The following PFKFB2 variants were observed in gnomAD, a reference collection of about 807,000 sequenced individuals.
PFKFB2 encodes 6-phosphofructo-2-kinase/fructose-2,6-biphosphatase 2.
PFKFB2 carries 53 observed loss-of-function variants against 68.0 expected under a neutral mutation model. The ratio of observed to expected loss-of-function variants is 0.78; its 90% CI spans 0.63 to 0.98. PFKFB2 has a LOEUF of 0.98. Among genes scored for constraint, PFKFB2 ranks in the 50% least tolerant of loss-of-function variants. The pLI is 0.00. For synonymous variants in PFKFB2, 222 were observed against 227.6 expected (o/e 0.98, Z 0.22); for missense variants, 451 against 642.0 (o/e 0.70, Z 3.22).
chr1:207,034,469 A>AT (rs1682338697), exon 1 of PFKFB2: 2 of 152,258 alleles, frequency 1.3e-5, no homozygotes, highest in South Asian at 4.1e-4. Flanking sequence ...ATCCAGCTCC[A>AT]TAGGTGTGTG....
At chr1:207,045,133 G>C (rs749813839) in intron 2 of PFKFB2, 1 of 152,352 alleles carries the variant, frequency 6.6e-6, no homozygotes, top group Non-Finnish European at 1.5e-5. Flanking sequence ...TATATGACAC[G>C]TTTAAGGCCT....
chr1:207,044,246 AC>A (rs1039370016), intron 2 of PFKFB2: 34 of 152,586 alleles, frequency 2.2e-4, no homozygotes, highest in Middle Eastern at 3.4e-3. Flanking sequence ...TTGTTCTCTA[AC>A]CCTTTTCACA....
intron 2 of PFKFB2, among the ~76,000 whole-genome samples, chr1:207,061,588 C>A (rs1374874605): frequency 1.3e-5 from 2 of 152,058 alleles, no homozygotes; most frequent in African/African-American, 4.8e-5. Context: ...AGTGTATAAA[C>A]CTTACTAGAC....
intron 2 of PFKFB2, among the ~76,000 whole-genome samples, chr1:207,056,116 C>T (rs145860401): frequency 6.6e-6 from 1 of 152,002 alleles, no homozygotes; most frequent in East Asian, 1.9e-4. Context: ...AACAGTGTCT[C>T]CCCCAAGAGT....
chr1:207,038,729 T>C (rs1284799849), intron 1 of PFKFB2, among the ~76,000 whole-genome samples: 2 of 152,168 alleles, frequency 1.3e-5, no homozygotes, highest in Non-Finnish European at 2.9e-5. Flanking sequence ...CATAACAAGG[T>C]TTGAGAGAGT....
upstream of PFKFB2, chr1:207,052,152 A>G: frequency 3.7e-6 from 6 of 1,607,362 alleles, no homozygotes; most frequent in Non-Finnish European, 5.1e-6. Flanking sequence ...TGGGGCAACT[A>G]TGAAAAGTGT....
At chr1:207,068,405 C>T in intron 10 of PFKFB2, 96 bp downstream of exon 10, 3 of 1,084,358 alleles carry the variant, frequency 2.8e-6, no homozygotes, top group Non-Finnish European at 3.8e-6. Context: ...TAGGAAACTA[C>T]AACCAACAAG....
In PFKFB2 at chr1:207,063,523, T is replaced by C; in HGVS notation, c.450+102T>C. ...TCTAGTGGGTGAGGACAGGATGGGATATCTGAATCTCTTCTCTCAGAGCAT... is the reference window on the plus strand; with the variant it reads ...TCTAGTGGGTGAGGACAGGATGGGACATCTGAATCTCTTCTCTCAGAGCAT... On this transcript the variant is annotated intron_variant, in intron 6 of 14. Coordinates refer to ENST00000367080, the MANE Select transcript of PFKFB2 (RefSeq NM_006212.2). The surrounding 1 kb of genome is among the most constrained non-coding windows in gnomAD (Gnocchi z 4.1). 1.2e-6 allele frequency: 1 copy of C among 814,462 alleles called. No individual in the cohort carries two copies. The highest frequency in any genetic ancestry group is 2.1e-6 in the Non-Finnish European group (1 of 473,582). 50.5% of individuals were successfully genotyped at this position (814,462 alleles called of 1,614,324 possible).
chr1:207,067,070 T>C (rs771329405), intron 8 of PFKFB2, among the ~76,000 whole-genome samples: 2 of 152,174 alleles, frequency 1.3e-5, no homozygotes, highest in Admixed American at 6.5e-5. Flanking sequence ...GACATTTCTG[T>C]CTGTGCTTCT....
chr1:207,078,926 T>G, downstream of PFKFB2: 1 of 1,600,728 alleles, frequency 6.2e-7, no homozygotes, highest in South Asian at 1.1e-5. Flanking sequence ...CTGTAATAGC[T>G]TTGTGTCTCT....
intron 2 of PFKFB2, chr1:207,044,719 T>C (rs1042836120): frequency 6.6e-6 from 1 of 152,456 alleles, no homozygotes; most frequent in Admixed American, 6.5e-5. Flanking sequence ...CACAAAGGCA[T>C]TGCTTTAAAA....
chr1:207,049,766 G>A, upstream of PFKFB2: 2 of 1,545,344 alleles, frequency 1.3e-6, no homozygotes, highest in Non-Finnish European at 1.7e-6. Flanking sequence ...AGAAATTACA[G>A]AAGAAACCGA....
At chr1:207,035,450 T>G (rs1468956949) in intron 1 of PFKFB2, among the ~76,000 whole-genome samples, 1 of 152,152 alleles carries the variant, frequency 6.6e-6, no homozygotes, top group Non-Finnish European at 1.5e-5. Context: ...GCTCAGGAGT[T>G]GGAGACCAGC....
chr1:207,074,871 A>G lies in PFKFB2; in HGVS notation c.*2500A>G, dbSNP rs1683579982. The G allele has an allele frequency of 3.0e-5, 30 of 985,462 alleles. No individual in the cohort carries two copies. Among genetic ancestry groups the G allele is most frequent in the Non-Finnish European group, 3.5e-5 (29 of 829,950 alleles). The allele number at this position is 985,462 out of a possible 1,614,324, so 61.0% of individuals were successfully genotyped here. A position where few individuals can be genotyped will look rare whatever the true frequency, so the allele number is the denominator to read the frequency against. ...CTTCTCCTGACTTTTCTGTTGTCCT[A>G]TGGCTATGAGACTACAGGGGTTGGG... On this transcript the variant is annotated 3_prime_UTR_variant, in exon 15 of 15. Coordinates refer to ENST00000367080, the MANE Select transcript of PFKFB2 (RefSeq NM_006212.2).
chr1:207,071,258 T>C lies in PFKFB2; in HGVS notation c.1285+8T>C. Reference sequence around the variant, plus strand: ...TTACTCCTGTGGCCTATGGTAACTATGCACATAGGGGCTGGCAGGAGCTGG... The same window carrying C: ...TTACTCCTGTGGCCTATGGTAACTACGCACATAGGGGCTGGCAGGAGCTGG... On this transcript the variant is annotated splice_region_variant and intron_variant, in intron 13 of 14. Coordinates refer to ENST00000367080, the MANE Select transcript of PFKFB2 (RefSeq NM_006212.2). The C allele has an allele frequency of 6.2e-7, 1 of 1,608,774 alleles. No individual in the cohort carries two copies. The highest frequency in any genetic ancestry group is 1.1e-5 in the South Asian group (1 of 90,966).
At position 207,074,993 on chromosome 1, in the gene PFKFB2, T is replaced by G. The variant is rs1203377203; in HGVS notation, c.*2622T>G. 2.0e-6 allele frequency: 2 copies of G among 985,356 alleles called. No individual in the cohort carries two copies. The highest frequency in any genetic ancestry group is 1.7e-5 in the African/African-American group (1 of 57,248). 61.0% of individuals were successfully genotyped at this position (985,356 alleles called of 1,614,324 possible). The stretch of plus-strand genomic sequence containing the variant: ...CAAGGTTGCATTGTCCACATTTGCT[T>G]GGATGGTGGCATCTGTAGCCCAAAT... On this transcript the variant is annotated 3_prime_UTR_variant, in exon 15 of 15. Coordinates refer to ENST00000367080, the MANE Select transcript of PFKFB2 (RefSeq NM_006212.2).
intron 1 of PFKFB2, among the ~76,000 whole-genome samples, chr1:207,037,188 T>C (rs1214274437): frequency 2.0e-5 from 3 of 152,256 alleles, no homozygotes; most frequent in Admixed American, 6.5e-5. Flanking sequence ...GTTTGAATTC[T>C]TCTCTATCTT....
chr1:207,055,396 T>C (rs1051443436), intron 2 of PFKFB2, among the ~76,000 whole-genome samples: 1 of 152,152 alleles, frequency 6.6e-6, no homozygotes, highest in East Asian at 1.9e-4. Flanking sequence ...CACATGAGCA[T>C]TTTCATTTCT....
rs1683508098 is a variant in PFKFB2, at chr1:207,072,836, T to G, written c.*465T>G. On this transcript the variant is annotated 3_prime_UTR_variant, in exon 15 of 15. Coordinates refer to ENST00000367080, the MANE Select transcript of PFKFB2 (RefSeq NM_006212.2). ...TCTTCAATGTGTGTTTTCCTCACAC[T>G]CCTTACTTGACTGCTTTCTTCCCCC... The G allele has an allele frequency of 1.9e-5, 19 of 990,796 alleles. No homozygotes were observed. Among genetic ancestry groups the G allele is most frequent in the Non-Finnish European group, 2.3e-5 (19 of 833,574 alleles). The allele number at this position is 990,796 out of a possible 1,614,324, so 61.4% of individuals were successfully genotyped here. A position where few individuals can be genotyped will look rare whatever the true frequency, so the allele number is the denominator to read the frequency against.
Sources: gnomAD v4.1 joint callset for allele counts (sites outside exome capture counted in the v4.1 genomes callset) on GRCh38, gnomAD v4.1.1 for gene constraint, Gnocchi (gnomAD v3.1) non-coding constraint, MANE v1.5 for transcripts, NCBI Gene and HGNC (gene_info 2026-07-23, HGNC 2026-07-21) for gene names.